The following GALNTL6 variants were observed in gnomAD, a reference collection of about 807,000 sequenced individuals.
GALNTL6 encodes polypeptide N-acetylgalactosaminyltransferase like 6, also known as polypeptide N-acetylgalactosaminyltransferase-like 6.
Under a neutral mutation model 73.7 loss-of-function variants are expected in GALNTL6, and 46 were observed. The observed-to-expected ratio is 0.62, with a 90% CI of 0.49 to 0.80. GALNTL6 has a LOEUF of 0.80. Among genes scored for constraint, GALNTL6 ranks in the 30% least tolerant of loss-of-function variants. GALNTL6 has a pLI of 0.00. For missense variants in GALNTL6, 604 were observed against 755.0 expected (o/e 0.80, Z 2.34); for synonymous variants, 259 against 263.7 (o/e 0.98, Z 0.17).
chr4:172,069,162 C>T (rs1731434704), intron 2 of GALNTL6, among the ~76,000 whole-genome samples: 1 of 108,646 alleles, frequency 9.2e-6, no homozygotes, highest in African/African-American at 3.5e-5. Context: ...AATGTTATTG[C>T]TAGATAAACT....
intron 2 of GALNTL6, among the ~76,000 whole-genome samples, chr4:171,852,738 A>C (rs1387373621): frequency 6.6e-6 from 1 of 152,108 alleles, no homozygotes; most frequent in African/African-American, 2.4e-5. Flanking sequence ...GAATGTGGTT[A>C]GAGAAAATTA....
At chr4:172,851,054 C>T (rs866125694) in intron 7 of GALNTL6, among the ~76,000 whole-genome samples, 4 of 152,188 alleles carry the variant, frequency 2.6e-5, no homozygotes, top group Admixed American at 2.6e-4. Context: ...TTCCAGCCCC[C>T]CTTCCTTCTC....
At chr4:172,886,972 T>C (rs184424648) in intron 8 of GALNTL6, among the ~76,000 whole-genome samples, 209 of 152,302 alleles carry the variant, frequency 1.4e-3, no homozygotes, top group Non-Finnish European at 2.2e-3. Flanking sequence ...TCTTTAGCCA[T>C]TGACCCCCTA....
At chr4:172,385,234 C>G (rs143842992) in intron 5 of GALNTL6, among the ~76,000 whole-genome samples, 1 of 151,920 alleles carries the variant, frequency 6.6e-6, no homozygotes, top group Non-Finnish European at 1.5e-5. Flanking sequence ...GAGTACCTGA[C>G]AAAAATGTCT....
chr4:172,020,185 ATAGCT>A (rs1741350392), intron 2 of GALNTL6, among the ~76,000 whole-genome samples: 7 of 152,072 alleles, frequency 4.6e-5, no homozygotes, highest in Non-Finnish European at 1.0e-4. Flanking sequence ...ATGGAAGTTT[ATAGCT>A]CTAAGTGCCT....
At chr4:172,369,048 C>G (rs1322566479) in intron 5 of GALNTL6, among the ~76,000 whole-genome samples, 1 of 152,204 alleles carries the variant, frequency 6.6e-6, no homozygotes, top group African/African-American at 2.4e-5. Flanking sequence ...CAGGTTGCCA[C>G]TGCAGGCTCA....
intron 2 of GALNTL6, among the ~76,000 whole-genome samples, chr4:171,828,299 G>C (rs1734877902): frequency 6.6e-6 from 1 of 152,280 alleles, no homozygotes; most frequent in Admixed American, 6.5e-5. Flanking sequence ...CATCTGTCTA[G>C]TAAATCGCTA....
intron 9 of GALNTL6, among the ~76,000 whole-genome samples, chr4:172,938,675 A>G (rs1748752106): frequency 6.6e-6 from 1 of 152,192 alleles, no homozygotes; most frequent in Admixed American, 6.5e-5. Flanking sequence ...AACCTTGGAC[A>G]ACAACAGCAG....
chr4:172,815,425 C>T (rs1741545175), intron 7 of GALNTL6, among the ~76,000 whole-genome samples: 1 of 152,120 alleles, frequency 6.6e-6, no homozygotes, highest in South Asian at 2.1e-4. Flanking sequence ...ACAGTTCGGC[C>T]GCTATGATGT....
chr4:172,754,178 C>T (rs1443166454), intron 5 of GALNTL6, among the ~76,000 whole-genome samples: 1 of 152,170 alleles, frequency 6.6e-6, no homozygotes, highest in Non-Finnish European at 1.5e-5. Flanking sequence ...GATATTTTAA[C>T]TGACAGTCAT....
intron 7 of GALNTL6, among the ~76,000 whole-genome samples, chr4:172,873,081 C>G (rs1029536798): frequency 4.9e-4 from 74 of 152,350 alleles, no homozygotes; most frequent in African/African-American, 1.8e-3. Flanking sequence ...TAGTCACATA[C>G]TGGCTAAAAT....
intron 2 of GALNTL6, among the ~76,000 whole-genome samples, chr4:171,930,564 G>A (rs565751723): frequency 4.1e-4 from 63 of 152,312 alleles, no homozygotes; most frequent in Admixed American, 1.6e-3. Flanking sequence ...GCCAGGCATG[G>A]TGGCTCATGC....
intron 2 of GALNTL6, among the ~76,000 whole-genome samples, chr4:172,148,138 A>G (rs1326444419): frequency 6.6e-6 from 1 of 152,170 alleles, no homozygotes; most frequent in Non-Finnish European, 1.5e-5. Flanking sequence ...AAATTAAGCC[A>G]ACAATTTATA....
At chr4:172,682,215 C>T (rs1732668506) in intron 5 of GALNTL6, among the ~76,000 whole-genome samples, 1 of 151,886 alleles carries the variant, frequency 6.6e-6, no homozygotes. Flanking sequence ...AAGATTTGTT[C>T]TTCGTTATTA....
At chr4:172,271,590 TTATA>T (rs1738655467) in intron 3 of GALNTL6, among the ~76,000 whole-genome samples, 2 of 152,152 alleles carry the variant, frequency 1.3e-5, no homozygotes, top group Admixed American at 1.3e-4. Context: ...ATTTATAGGT[TTATA>T]TATACACACC....
At chr4:172,172,670 A>T (rs575481103) in intron 2 of GALNTL6, among the ~76,000 whole-genome samples, 4 of 152,150 alleles carry the variant, frequency 2.6e-5, no homozygotes, top group Admixed American at 6.5e-5. Flanking sequence ...GAGCTGTGAG[A>T]AAATAAATTA....
rs1560997327 is a variant in GALNTL6 at position 172,266,653 on chromosome 4, A to G, written c.247+36889A>G. On this transcript the variant is annotated intron_variant, in intron 3 of 12. Coordinates refer to ENST00000506823, the MANE Select transcript of GALNTL6 (RefSeq NM_001034845.3). ...CCTGCTTTCTAATACCAGTAAAAAC[A>G]TTATCACCCTAAACAATAAAAATGA... Among the ~76,000 whole-genome samples the G allele has an allele frequency of 4.6e-5, 7 of 152,244 alleles. No homozygotes were observed. In the South Asian group the frequency reaches 1.4e-3, roughly 32 times the overall value.
intron 3 of GALNTL6, among the ~76,000 whole-genome samples, chr4:172,269,259 T>TA (rs923222660): frequency 2.0e-5 from 3 of 151,906 alleles, no homozygotes; most frequent in Non-Finnish European, 2.9e-5. Context: ...ATGGAGAGAA[T>TA]AAAAAAAATT....
Position 172,915,063 on chromosome 4 carries a change from T to G in GALNTL6, c.1042-16098T>G, listed in dbSNP as rs576557455. On this transcript the variant is annotated intron_variant, in intron 8 of 12. Coordinates refer to ENST00000506823, the MANE Select transcript of GALNTL6 (RefSeq NM_001034845.3). ...TAACAAACTGTCTCTCAGACCACAG[T>G]GCAATCAAGTTAGAACTCAGGATTA... 3.8e-4 allele frequency among the ~76,000 whole-genome samples: 58 copies of G among 152,316 alleles called. No homozygotes were observed. In the East Asian group the frequency reaches 0.011, roughly 29 times the overall value.
Sources: allele counts gnomAD v4.1 joint callset (sites outside exome capture counted in the v4.1 genomes callset), GRCh38; gene constraint gnomAD v4.1.1; transcripts MANE v1.5; gene names NCBI Gene and HGNC (gene_info 2026-07-23, HGNC 2026-07-21).